VWF: variants seen among roughly 807,000 people sequenced by gnomAD.
The protein encoded by VWF is von Willebrand factor.
VWF carries 176 observed loss-of-function variants against 308.6 expected under a neutral mutation model. The ratio of observed to expected loss-of-function variants is 0.57; its 90% CI spans 0.50 to 0.65. VWF has a LOEUF of 0.65. Among genes scored for constraint, VWF ranks in the 30% least tolerant of loss-of-function variants. VWF has a pLI of 0.00. For synonymous variants in VWF, 1,385 were observed against 1,443.4 expected (o/e 0.96, Z 0.92); for missense variants, 3,146 against 3,648.2 (o/e 0.86, Z 3.55).
Position 6,018,753 on chromosome 12 carries a change from T to G in VWF, c.4665A>C (p.Ala1555=), listed in dbSNP as rs1800384. 170,370 of 1,612,132 alleles carry G rather than the reference T, an allele frequency of 0.11. 14,250 individuals are homozygous for G. Among genetic ancestry groups the G allele is most frequent in the East Asian group, 0.39 (17,634 of 44,750 alleles). ...GCTGCAGGATGTCCCCTTTGGACTG[T>G]GCCTCGCTGAAGGGGTACTCCACAG... The part of the protein sequence containing the change: ...MVTVEYPFSE[A]QSKGDILQRV... The change falls in exon 28 of 52, where the codon GCA becomes GCC. Residue 1555 remains alanine (A), a synonymous_variant. Coordinates refer to ENST00000261405, the MANE Select transcript of VWF (RefSeq NM_000552.5).
chr12:6,095,901 G>A, intron 5 of VWF: 1 of 376,436 alleles, frequency 2.7e-6, no homozygotes, highest in Admixed American at 3.8e-5. Flanking sequence ...AGAACACCTG[G>A]GCTCAAGCAA....
At chr12:6,119,412 C>G (rs765336839) in intron 3 of VWF, among the ~76,000 whole-genome samples, 19 of 152,352 alleles carry the variant, frequency 1.2e-4, no homozygotes, top group Middle Eastern at 3.4e-3. Context: ...CCACACTGAC[C>G]TCCCCAGGGC....
chr12:6,110,866 C>G lies in VWF; in HGVS notation c.323G>C (p.Arg108Thr). ...VNGTVTQGDQ[R>T]VSMPYASKGL... ...TCTAACTCAGACATTGTTGGCTTAC[C>G]TTTGGTCCCCCTGTGTCACGGTACC... is the stretch of plus-strand genomic sequence containing the variant. Residue 108 changes from arginine to threonine, a missense_variant and splice_region_variant, in exon 4 of 52, where the codon AGA (arginine) becomes ACA (threonine). By Grantham distance (71) the Arg-to-Thr change is moderately conservative. Around this residue, in one of 3 missense-constraint regions of VWF, gnomAD observed 1,304 missense variants for 1,353.0 expected, o/e 0.96. Transcript: ENST00000261405. 6.2e-7 allele frequency: 1 copy of G among 1,614,032 alleles called. No homozygotes were observed. Among genetic ancestry groups the G allele is most frequent in the Non-Finnish European group, 8.5e-7 (1 of 1,179,954 alleles).
intron 6 of VWF, among the ~76,000 whole-genome samples, chr12:6,089,400 G>A (rs1232795837): frequency 3.3e-5 from 5 of 152,190 alleles, no homozygotes; most frequent in African/African-American, 4.8e-5. Context: ...AGCCCAACAC[G>A]AAGAACCTGG....
chr12:6,023,585 G>T, intron 25 of VWF, 46 bp downstream of exon 25: 1 of 1,611,646 alleles, frequency 6.2e-7, no homozygotes, highest in South Asian at 1.1e-5. Context: ...ATAGACACAT[G>T]GGAAGAAGGG....
rs1943368746 is a variant in VWF, at chr12:5,964,267, CA to C, written c.7887+3218del. On this transcript the variant is annotated intron_variant, in intron 47 of 51. Transcript: ENST00000261405. Reference sequence around the variant, plus strand: ...ACATACATGCATACATACATACATACATACATGCATACATACATGCATACAT... The same window carrying C: ...ACATACATGCATACATACATACATACTACATGCATACATACATGCATACAT... Among the ~76,000 whole-genome samples the C allele has an allele frequency of 2.8e-5, 4 of 144,568 alleles. 1 individual carries two copies. In the South Asian group the frequency reaches 8.4e-4, roughly 30 times the overall value. 94.8% of individuals were successfully genotyped at this position (144,568 alleles called of 152,430 possible).
chr12:5,993,620 T>A (rs985653101), intron 37 of VWF, among the ~76,000 whole-genome samples: 7 of 146,386 alleles, frequency 4.8e-5, no homozygotes, highest in Non-Finnish European at 9.0e-5. Flanking sequence ...TGTGTGTATA[T>A]ATATACATAT....
At chr12:6,042,807 A>AT (rs1944409715) in intron 18 of VWF, among the ~76,000 whole-genome samples, 1 of 152,126 alleles carries the variant, frequency 6.6e-6, no homozygotes, top group African/African-American at 2.4e-5. Context: ...GGCTATCTGT[A>AT]TTTTTTCCTT....
chr12:5,975,991 G>C, intron 43 of VWF, 120 bp downstream of exon 43: 1 of 1,421,976 alleles, frequency 7.0e-7, no homozygotes, highest in Non-Finnish European at 9.6e-7. Flanking sequence ...ACTCCAGCCT[G>C]GGCGACAGAG....
chr12:6,097,237 C>G (rs1431507073), intron 5 of VWF, among the ~76,000 whole-genome samples: 1 of 152,088 alleles, frequency 6.6e-6, no homozygotes, highest in Non-Finnish European at 1.5e-5. Flanking sequence ...GAGATCAAGA[C>G]CATCCTGGCC....
Position 6,022,046 on chromosome 12 carries a change from A to G in VWF, c.3539-11T>C. On this transcript the variant is annotated splice_polypyrimidine_tract_variant and intron_variant, in intron 26 of 51. Transcript: ENST00000261405. ...CATCCAGGATTTTCCCTGCAAAAGA[A>G]AGCTCTCATTAGGAACCAAAACGCT... 1.2e-6 allele frequency: 2 copies of G among 1,614,070 alleles called. No homozygotes were observed. The highest frequency in any genetic ancestry group is 1.7e-6 in the Non-Finnish European group (2 of 1,179,998).
chr12:6,016,458 T>A, intron 30 of VWF, 58 bp downstream of exon 30: 2 of 1,581,446 alleles, frequency 1.3e-6, no homozygotes, highest in Non-Finnish European at 1.7e-6. Context: ...CAGTCACTTA[T>A]GCCAAAAATA....
rs762733975 is a variant in VWF at position 5,985,028 on chromosome 12, C to T, written c.6976+17G>A. ...TAGGGTTGGGCCCTGGAGACATCCC[C>T]CTGGTGGGACACATACCACACTCAT... On this transcript the variant is annotated intron_variant, in intron 40 of 51. Coordinates refer to ENST00000261405, the MANE Select transcript of VWF (RefSeq NM_000552.5). The T allele has an allele frequency of 6.2e-7, 1 of 1,613,938 alleles. No homozygotes were observed. The highest frequency in any genetic ancestry group is 1.1e-5 in the South Asian group (1 of 91,072).
chr12:6,117,668 A>G (rs566099181), intron 3 of VWF, among the ~76,000 whole-genome samples: 1 of 152,284 alleles, frequency 6.6e-6, no homozygotes, highest in East Asian at 1.9e-4. Context: ...ACACAAAATT[A>G]GCAGGGTGTG....
chr12:6,031,726 G>T, intron 20 of VWF, 148 bp from the exon 21 acceptor site: 1 of 1,302,888 alleles, frequency 7.7e-7, no homozygotes, highest in Non-Finnish European at 1.1e-6. Context: ...CTCTGTGTGT[G>T]TCTGGGGGAC....
At chr12:6,004,211 AAC>A (rs1205776850) in intron 34 of VWF, among the ~76,000 whole-genome samples, 1 of 152,188 alleles carries the variant, frequency 6.6e-6, no homozygotes, top group Non-Finnish European at 1.5e-5. Flanking sequence ...AATATTACCA[AAC>A]AGAATCCAAC....
intron 10 of VWF, among the ~76,000 whole-genome samples, chr12:6,069,619 C>A (rs922975063): frequency 1.3e-5 from 2 of 152,094 alleles, no homozygotes; most frequent in Non-Finnish European, 2.9e-5. Context: ...GCAAATGGAC[C>A]GGGAGGCGAT....
rs186240026 is a variant in VWF, at chr12:6,102,260, G to A, written c.533-6676C>T. On this transcript the variant is annotated intron_variant, in intron 5 of 51. Coordinates refer to ENST00000261405, the MANE Select transcript of VWF (RefSeq NM_000552.5). Reference sequence around the variant, plus strand: ...AGTTTGAGACCAGCTTGGTCAACATGGTGAAACCCTGTCTCTAATAAACAT... The same window carrying A: ...AGTTTGAGACCAGCTTGGTCAACATAGTGAAACCCTGTCTCTAATAAACAT... Among the ~76,000 whole-genome samples the A allele has an allele frequency of 2.5e-3, 376 of 151,972 alleles. 2 individuals carry two copies. The highest frequency in any genetic ancestry group is 3.2e-3 in the Non-Finnish European group (221 of 68,000).
At chr12:6,037,364 A>C (rs1944348193) in intron 18 of VWF, among the ~76,000 whole-genome samples, 1 of 152,202 alleles carries the variant, frequency 6.6e-6, no homozygotes, top group Admixed American at 6.5e-5. Flanking sequence ...GAAATCGATC[A>C]GAACTAGAGT....
Sources: allele counts gnomAD v4.1 joint callset (sites outside exome capture counted in the v4.1 genomes callset), GRCh38; gene constraint gnomAD v4.1.1; regional missense constraint gnomAD v4.1.1; transcripts MANE v1.5; gene names NCBI Gene and HGNC (gene_info 2026-07-23, HGNC 2026-07-21).